The following GALNTL6 variants were observed in gnomAD, a reference collection of about 807,000 sequenced individuals.
The protein encoded by GALNTL6 is polypeptide N-acetylgalactosaminyltransferase-like 6.
In GALNTL6, 46 loss-of-function variants were observed where a neutral mutation model predicts 73.7. That is an observed-to-expected ratio of 0.62 (90% CI 0.49 to 0.80). GALNTL6 has a LOEUF of 0.80. GALNTL6 is among the 30% of genes least tolerant of loss of function. The pLI, the probability that GALNTL6 is intolerant of heterozygous loss-of-function variation, is 0.00. For missense variants in GALNTL6, 604 were observed against 755.0 expected (o/e 0.80, Z 2.34); for synonymous variants, 259 against 263.7 (o/e 0.98, Z 0.17).
chr4:172,163,282 A>G (rs929667056), intron 2 of GALNTL6, among the ~76,000 whole-genome samples: 1 of 152,018 alleles, frequency 6.6e-6, no homozygotes, highest in Non-Finnish European at 1.5e-5. Context: ...AACATTTACC[A>G]TATTTTTATA....
At chr4:172,169,474 T>C (rs1734742469) in intron 2 of GALNTL6, among the ~76,000 whole-genome samples, 1 of 152,234 alleles carries the variant, frequency 6.6e-6, no homozygotes, top group Non-Finnish European at 1.5e-5. Flanking sequence ...GACACTTTCT[T>C]TGATATATTG....
chr4:171,911,863 T>A (rs1403721202), intron 2 of GALNTL6, among the ~76,000 whole-genome samples: 1 of 152,204 alleles, frequency 6.6e-6, no homozygotes, highest in African/African-American at 2.4e-5. Flanking sequence ...ATTTTGCTGT[T>A]TTCCTAAGAA....
At chr4:172,658,254 C>T (rs1579299459) in intron 5 of GALNTL6, among the ~76,000 whole-genome samples, 1 of 147,626 alleles carries the variant, frequency 6.8e-6, no homozygotes, top group Admixed American at 6.8e-5. Flanking sequence ...ATCACGAAGT[C>T]AGGAGCTCAA....
intron 7 of GALNTL6, among the ~76,000 whole-genome samples, chr4:172,867,450 C>A (rs192288572): frequency 6.6e-6 from 1 of 152,318 alleles, no homozygotes; most frequent in Admixed American, 6.5e-5. Flanking sequence ...CTCTATCCTT[C>A]TGCATCAGGG....
At chr4:172,883,251 T>C (rs1219057152) in intron 8 of GALNTL6, among the ~76,000 whole-genome samples, 2 of 152,192 alleles carry the variant, frequency 1.3e-5, no homozygotes, top group East Asian at 1.9e-4. Context: ...TATCTTGAAA[T>C]ATACAATAAA....
At chr4:172,086,043 T>C (rs1265017322) in intron 2 of GALNTL6, among the ~76,000 whole-genome samples, 1 of 152,134 alleles carries the variant, frequency 6.6e-6, no homozygotes, top group Non-Finnish European at 1.5e-5. Flanking sequence ...AGTTTGTCTT[T>C]GTTTATATCA....
rs62331131 is a variant in GALNTL6 at position 172,208,854 on chromosome 4, G to A, written c.139-20802G>A. On this transcript the variant is annotated intron_variant, in intron 2 of 12. Transcript: ENST00000506823. ...TTTAATCATGTCTGTGTGAGAAACC[G>A]AAGAACCATTATCTTCAAATAATTA... Among the ~76,000 whole-genome samples the A allele has an allele frequency of 1.8e-3, 277 of 152,122 alleles. 2 individuals are homozygous for A. Among genetic ancestry groups the A allele is most frequent in the Admixed American group, 3.5e-3 (54 of 15,284 alleles).
intron 2 of GALNTL6, among the ~76,000 whole-genome samples, chr4:172,034,294 G>C (rs1003110285): frequency 6.6e-6 from 1 of 151,850 alleles, no homozygotes; most frequent in African/African-American, 2.4e-5. Flanking sequence ...GCTGGCCATA[G>C]CTGGGATTTC....
chr4:171,979,952 A>G (rs1217850840), intron 2 of GALNTL6, among the ~76,000 whole-genome samples: 1 of 25,880 alleles, frequency 3.9e-5, no homozygotes, highest in Non-Finnish European at 1.6e-3. Context: ...AAACAGAGTG[A>G]CAAGCAAAGG....
chr4:172,419,688 G>T (rs1033781693), intron 5 of GALNTL6, among the ~76,000 whole-genome samples: 1 of 152,112 alleles, frequency 6.6e-6, no homozygotes, highest in Non-Finnish European at 1.5e-5. Flanking sequence ...CATTTTAATA[G>T]ATGTAATTCT....
intron 3 of GALNTL6, among the ~76,000 whole-genome samples, chr4:172,286,426 G>A (rs143668965): frequency 7.9e-5 from 12 of 152,284 alleles, no homozygotes; most frequent in Non-Finnish European, 1.6e-4. Context: ...AATAGGATGA[G>A]GAGGGAGGAT....
chr4:172,630,164 G>C (rs1739333547), intron 5 of GALNTL6, among the ~76,000 whole-genome samples: 1 of 151,874 alleles, frequency 6.6e-6, no homozygotes. Context: ...TTTCATTACT[G>C]TCAGTCTTCT....
intron 10 of GALNTL6, among the ~76,000 whole-genome samples, chr4:173,004,122 C>A (rs1561080722): frequency 6.6e-6 from 1 of 151,874 alleles, no homozygotes; most frequent in Non-Finnish European, 1.5e-5. Flanking sequence ...CTGTGGCAAG[C>A]TGTGTGAGCT....
chr4:172,568,849 G>A (rs1736661846), intron 5 of GALNTL6, among the ~76,000 whole-genome samples: 1 of 150,334 alleles, frequency 6.7e-6, no homozygotes, highest in Non-Finnish European at 1.5e-5. Context: ...AGTCCAGAAC[G>A]GCTTTGCATG....
chr4:171,979,315 T>TA (rs2111077038), intron 2 of GALNTL6, among the ~76,000 whole-genome samples: 1 of 152,322 alleles, frequency 6.6e-6, no homozygotes, highest in South Asian at 2.1e-4. Context: ...GAAAACATTG[T>TA]AATTTCATAC....
intron 2 of GALNTL6, among the ~76,000 whole-genome samples, chr4:172,168,104 G>A (rs1170355528): frequency 1.3e-5 from 2 of 152,020 alleles, no homozygotes; most frequent in Non-Finnish European, 2.9e-5. Context: ...TATTAGCAAC[G>A]GTCTGGAAAG....
At chr4:172,726,075 A>G (rs1285220475) in intron 5 of GALNTL6, among the ~76,000 whole-genome samples, 1 of 151,776 alleles carries the variant, frequency 6.6e-6, no homozygotes, top group Non-Finnish European at 1.5e-5. Flanking sequence ...ATGGATGAAT[A>G]AACGTACACT....
At chr4:171,871,791 A>C (rs1736144560) in intron 2 of GALNTL6, among the ~76,000 whole-genome samples, 1 of 152,206 alleles carries the variant, frequency 6.6e-6, no homozygotes, top group South Asian at 2.1e-4. Context: ...TGTTGTAACA[A>C]TTACATTATA....
At chr4:172,933,394 CA>C (rs1354819894) in intron 9 of GALNTL6, among the ~76,000 whole-genome samples, 1 of 151,942 alleles carries the variant, frequency 6.6e-6, no homozygotes, top group Non-Finnish European at 1.5e-5. Flanking sequence ...CATATATTTT[CA>C]AGAAAGAAAT....
Sources: gnomAD v4.1 joint callset for allele counts (sites outside exome capture counted in the v4.1 genomes callset) on GRCh38, gnomAD v4.1.1 for gene constraint, MANE v1.5 for transcripts, NCBI Gene and HGNC (gene_info 2026-07-23, HGNC 2026-07-21) for gene names.